The following HS6ST2 variants were observed in gnomAD, a reference collection of about 807,000 sequenced individuals.
The protein encoded by HS6ST2 is heparan-sulfate 6-O-sulfotransferase 2.
HS6ST2 carries 17 observed loss-of-function variants against 33.0 expected under a neutral mutation model. The observed-to-expected ratio is 0.52, with a 90% CI of 0.35 to 0.77. The LOEUF (loss-of-function observed/expected upper bound fraction) is 0.77. HS6ST2 is among the 30% of genes least tolerant of loss of function. The pLI is 0.01. For synonymous variants in HS6ST2, 248 were observed against 237.1 expected (o/e 1.05, Z -0.42); for missense variants, 519 against 551.7 (o/e 0.94, Z 0.59).
At chrX:132,789,431 T>C (rs2065096369) in intron 2 of HS6ST2, among the ~76,000 whole-genome samples, 1 of 110,307 alleles carries the variant, frequency 9.1e-6, no homozygotes, top group Non-Finnish European at 1.9e-5. Flanking sequence ...ATATTGTTGC[T>C]CACTGATCTG....
chrX:132,773,718 C>T (rs1260960983), intron 2 of HS6ST2, among the ~76,000 whole-genome samples: 1 of 112,035 alleles, frequency 8.9e-6, no homozygotes, highest in Non-Finnish European at 1.9e-5. Flanking sequence ...TGAAAAAAGC[C>T]AGACACAAAA....
intron 3 of HS6ST2, among the ~76,000 whole-genome samples, chrX:132,705,584 C>T (rs777774502): frequency 8.9e-6 from 1 of 112,043 alleles, no homozygotes; most frequent in South Asian, 3.8e-4. Context: ...TACTATGTGA[C>T]AGGAACAGTG....
intron 2 of HS6ST2, among the ~76,000 whole-genome samples, chrX:132,733,444 T>C (rs2148279358): frequency 9.1e-6 from 1 of 110,405 alleles, no homozygotes; most frequent in Admixed American, 9.9e-5. Flanking sequence ...CTAGACTAGC[T>C]ACGGGTCTCT....
chrX:132,883,345 G>T (rs922016337), intron 2 of HS6ST2, among the ~76,000 whole-genome samples: 2 of 111,174 alleles, frequency 1.8e-5, no homozygotes, highest in African/African-American at 6.5e-5. Flanking sequence ...CTTCTTCCTG[G>T]TTTAGTCTTG....
rs1252606351 is a variant in HS6ST2 at position 132,812,440 on chromosome X, ATAATAAAAT to A, written c.948-103955_948-103947del. ...AATAATAATAATAATAATAATAATA[ATAATAAAAT>A]AATAATAATAATGGCCATCCTAATG... On this transcript the variant is annotated intron_variant, in intron 2 of 4. Coordinates refer to ENST00000370833, the MANE Select transcript of HS6ST2 (RefSeq NM_001394073.1). 1.7e-3 allele frequency among the ~76,000 whole-genome samples: 176 copies of A among 104,138 alleles called. 1 individual carries two copies. Among genetic ancestry groups the A allele is most frequent in the African/African-American group, 5.6e-3 (163 of 28,871 alleles). 90.4% of individuals were successfully genotyped at this position (104,138 alleles called of 115,157 possible). A position where few individuals can be genotyped will look rare whatever the true frequency, so the allele number is the denominator to read the frequency against.
At chrX:132,750,843 T>A (rs2064700041) in intron 2 of HS6ST2, among the ~76,000 whole-genome samples, 1 of 112,248 alleles carries the variant, frequency 8.9e-6, no homozygotes, top group African/African-American at 3.2e-5. Flanking sequence ...TCTCTCTTGA[T>A]GTTTTACTCA....
chrX:132,718,211 C>A (rs2064294881), intron 2 of HS6ST2, among the ~76,000 whole-genome samples: 1 of 111,346 alleles, frequency 9.0e-6, no homozygotes, highest in African/African-American at 3.3e-5. Flanking sequence ...CTCAGACGGA[C>A]TTGCATGATA....
intron 2 of HS6ST2, among the ~76,000 whole-genome samples, chrX:132,863,814 A>G (rs2065938363): frequency 8.9e-6 from 1 of 111,975 alleles, no homozygotes; most frequent in Non-Finnish European, 1.9e-5. Flanking sequence ...AGAACCACTT[A>G]TCTTCATCCC....
At chrX:132,814,504 G>GT (rs747390000) in intron 2 of HS6ST2, among the ~76,000 whole-genome samples, 2 of 111,476 alleles carry the variant, frequency 1.8e-5, no homozygotes, top group African/African-American at 3.3e-5. Context: ...CTGTTATATA[G>GT]TTTTTTTGTT....
chrX:132,650,383 C>A (rs1345874956), intron 4 of HS6ST2, among the ~76,000 whole-genome samples: 2 of 111,452 alleles, frequency 1.8e-5, no homozygotes, highest in African/African-American at 6.5e-5. Flanking sequence ...ATGGAGGTCA[C>A]TGTGCAGGAG....
chrX:132,938,189 A>C (rs1170355996), intron 2 of HS6ST2, among the ~76,000 whole-genome samples: 1 of 109,303 alleles, frequency 9.1e-6, no homozygotes, highest in Admixed American at 9.8e-5. Flanking sequence ...TAAATAAAAA[A>C]TAAAGAGAAA....
chrX:132,895,115 C>T (rs775453817), intron 2 of HS6ST2, among the ~76,000 whole-genome samples: 14 of 111,957 alleles, frequency 1.3e-4, no homozygotes, highest in Non-Finnish European at 2.1e-4. Context: ...TTCAAATAAA[C>T]GAATAAATTA....
In HS6ST2 at chrX:132,628,974, G is replaced by A. The variant is rs762547889; in HGVS notation, c.1187C>T (p.Pro396Leu). The change falls in exon 5 of 5, where the codon CCA becomes CTA. Residue 396 changes from proline to leucine, a missense_variant. By Grantham distance (98) the Pro-to-Leu change is moderately conservative (BLOSUM62 -3). Transcript: ENST00000370833. ...GCAGCTGGGCAGCTCTTCGGAGGTT[G>A]GAGGCCTTCCATCGCAGACATGCAG... is the stretch of plus-strand genomic sequence containing the variant. ...ASLHVCDGRP[P>L]TSEELPSCYT... 2.5e-6 allele frequency: 3 copies of A among 1,210,094 alleles called. No homozygotes were observed. The highest frequency in any genetic ancestry group is 4.4e-5 in the Admixed American group (2 of 45,868).
chrX:132,630,318 G>T (rs2063508665), intron 4 of HS6ST2, among the ~76,000 whole-genome samples: 1 of 112,369 alleles, frequency 8.9e-6, no homozygotes, highest in African/African-American at 3.2e-5. Flanking sequence ...GGGAGTGGTT[G>T]TTCTCTACAC....
At chrX:132,927,008 G>A (rs753425078) in intron 2 of HS6ST2, among the ~76,000 whole-genome samples, 3 of 111,118 alleles carry the variant, frequency 2.7e-5, no homozygotes, top group East Asian at 2.8e-4. Context: ...TCCACTGCCC[G>A]TGGGCATCTC....
chrX:132,892,751 G>C (rs770077995), intron 2 of HS6ST2, among the ~76,000 whole-genome samples: 6 of 111,737 alleles, frequency 5.4e-5, no homozygotes, highest in Non-Finnish European at 9.4e-5. Context: ...CCTGGGAGGT[G>C]GAAGTTGCAG....
chrX:132,691,758 T>A (rs953292695), intron 3 of HS6ST2, among the ~76,000 whole-genome samples: 1 of 111,999 alleles, frequency 8.9e-6, no homozygotes, highest in Non-Finnish European at 1.9e-5. Context: ...TCCAGGCAGT[T>A]TCTCCCCAGT....
At chrX:132,709,329 TG>T (rs1330675282) in intron 2 of HS6ST2, among the ~76,000 whole-genome samples, 3 of 112,448 alleles carry the variant, frequency 2.7e-5, no homozygotes, top group Non-Finnish European at 5.6e-5. Context: ...ATGCCCGAAG[TG>T]GGCTATATAG....
rs1457711889 is a variant in HS6ST2, at chrX:132,632,976, TGAGGC to T, written c.1068-3888_1068-3884del. ...CTGTAGTCTCAGCTACTAGGGAGGC[TGAGGC>T]GAGAGGATCACTTGAGCCTAGGAGG... On this transcript the variant is annotated intron_variant, in intron 4 of 4. Transcript: ENST00000370833. Among the ~76,000 whole-genome samples the T allele has an allele frequency of 3.7e-5, 4 of 106,933 alleles. No homozygotes were observed. The East Asian group carries it at 8.9e-4, about 24-fold the overall frequency. 92.9% of individuals were successfully genotyped at this position (106,933 alleles called of 115,157 possible).
Sources: allele counts gnomAD v4.1 joint callset (sites outside exome capture counted in the v4.1 genomes callset), GRCh38; gene constraint gnomAD v4.1.1; transcripts MANE v1.5; gene names NCBI Gene and HGNC (gene_info 2026-07-23, HGNC 2026-07-21).